The following DLGAP2 variants were observed in gnomAD, a reference collection of about 807,000 sequenced individuals.
The protein encoded by DLGAP2 is disks large-associated protein 2.
A neutral mutation model predicts 100.3 loss-of-function variants in DLGAP2; 26 were observed. The observed-to-expected ratio is 0.26, with a 90% CI of 0.19 to 0.36. The LOEUF is 0.36. DLGAP2 is among the 10% of genes least tolerant of loss of function. The pLI, the probability that DLGAP2 is intolerant of heterozygous loss-of-function variation, is 1.00. For missense variants in DLGAP2, 1,858 were observed against 1,453.2 expected (o/e 1.28, Z -4.53); for synonymous variants, 886 against 630.1 (o/e 1.41, Z -6.08).
At chr8:755,628 G>A (rs1209684726) in intron 1 of DLGAP2, among the ~76,000 whole-genome samples, 2 of 152,162 alleles carry the variant, frequency 1.3e-5, no homozygotes, top group Non-Finnish European at 2.9e-5. Context: ...GGGGGTGAAT[G>A]TATTCCAGGC....
At chr8:847,791 G>C (rs879363083) in intron 1 of DLGAP2, among the ~76,000 whole-genome samples, 3 of 152,186 alleles carry the variant, frequency 2.0e-5, no homozygotes, top group Non-Finnish European at 4.4e-5. Flanking sequence ...ACACAGGCTT[G>C]AGTCACTGCG....
chr8:1,389,527 G>A (rs1033173488), intron 3 of DLGAP2, among the ~76,000 whole-genome samples: 1 of 152,172 alleles, frequency 6.6e-6, no homozygotes, highest in Non-Finnish European at 1.5e-5. Context: ...TGTGGACGAG[G>A]CCGCTCGGTG....
chr8:1,489,211 A>G lies in DLGAP2; in HGVS notation c.107-12155A>G, dbSNP rs138084176. On this transcript the variant is annotated intron_variant, in intron 3 of 14. Transcript: ENST00000637795. ...GTTTGAGCTGCTCGAGAATGCGACT[A>G]GTGTGCTTCTGATGCGTGGAGTTGG... is the stretch of plus-strand genomic sequence containing the variant. 2.3e-3 allele frequency among the ~76,000 whole-genome samples: 345 copies of G among 152,328 alleles called. 2 individuals carry two copies. The highest frequency in any genetic ancestry group is 7.9e-3 in the African/African-American group (328 of 41,594).
chr8:1,533,853 A>C (rs772340616), intron 4 of DLGAP2, among the ~76,000 whole-genome samples: 44 of 152,146 alleles, frequency 2.9e-4, no homozygotes, highest in Non-Finnish European at 5.9e-5. Context: ...GCTCCTCAGG[A>C]GGCTGAGGTG....
At chr8:850,150 A>T (rs1392854540) in intron 1 of DLGAP2, among the ~76,000 whole-genome samples, 1 of 151,650 alleles carries the variant, frequency 6.6e-6, no homozygotes, top group Non-Finnish European at 1.5e-5. Context: ...CCCCTGTCAG[A>T]TGTGACATTT....
intron 1 of DLGAP2, among the ~76,000 whole-genome samples, chr8:906,410 C>T (rs138494460): frequency 6.6e-6 from 1 of 152,292 alleles, no homozygotes; most frequent in East Asian, 1.9e-4. Context: ...GTTCTGAGGC[C>T]TGGCCTTGAT....
chr8:1,345,576 G>T (rs1008764300), intron 3 of DLGAP2, among the ~76,000 whole-genome samples: 4 of 152,218 alleles, frequency 2.6e-5, no homozygotes, highest in Admixed American at 6.5e-5. Context: ...AACACATTGT[G>T]TGGATGTAAT....
chr8:1,455,514 G>A (rs769982651), intron 3 of DLGAP2, among the ~76,000 whole-genome samples: 14 of 152,220 alleles, frequency 9.2e-5, no homozygotes, highest in East Asian at 1.9e-4. Flanking sequence ...GCCTGAGCAG[G>A]GCTGAGAGGA....
intron 2 of DLGAP2, among the ~76,000 whole-genome samples, chr8:981,845 T>C (rs1437014530): frequency 2.0e-5 from 3 of 152,228 alleles, no homozygotes; most frequent in Non-Finnish European, 4.4e-5. Flanking sequence ...TTTGAAACTA[T>C]TTGCTCTTGT....
At position 1,705,958 on chromosome 8, in the gene DLGAP2, T is replaced by A. The variant is rs904029586; in HGVS notation, c.*4552T>A. 2.0e-5 allele frequency: 3 copies of A among 152,186 alleles called. No individual in the cohort carries two copies. The highest frequency in any genetic ancestry group is 4.4e-5 in the Non-Finnish European group (3 of 68,036). The allele number at this position is 152,186 out of a possible 1,614,324, so 9.4% of individuals were successfully genotyped here. A position where few individuals can be genotyped will look rare whatever the true frequency, so the allele number is the denominator to read the frequency against. On this transcript the variant is annotated 3_prime_UTR_variant, in exon 15 of 15. Coordinates refer to ENST00000637795, the MANE Select transcript of DLGAP2 (RefSeq NM_001346810.2). Reference sequence around the variant, plus strand: ...AACTCTGTGGGCTGGGTCAATGCAGTGTGCTTCATTCAGGGCCATGTGGCA... The same window carrying A: ...AACTCTGTGGGCTGGGTCAATGCAGAGTGCTTCATTCAGGGCCATGTGGCA...
intron 2 of DLGAP2, among the ~76,000 whole-genome samples, chr8:1,141,263 G>A (rs979579656): frequency 1.2e-4 from 18 of 152,146 alleles, no homozygotes; most frequent in Non-Finnish European, 2.2e-4. Context: ...TCAACTGAGC[G>A]TTGAAAGTTG....
chr8:1,576,650 G>A (rs183353519), intron 6 of DLGAP2, among the ~76,000 whole-genome samples: 1 of 152,278 alleles, frequency 6.6e-6, no homozygotes, highest in East Asian at 1.9e-4. Context: ...TTAGTATAAG[G>A]TGTAAGGAAG....
intron 2 of DLGAP2, among the ~76,000 whole-genome samples, chr8:923,801 G>A (rs1049298265): frequency 6.6e-6 from 1 of 152,158 alleles, no homozygotes; most frequent in Non-Finnish European, 1.5e-5. Context: ...TGTCTCAGAC[G>A]CTGGCTTTTA....
chr8:769,946 G>C (rs764424046), intron 1 of DLGAP2, among the ~76,000 whole-genome samples: 24 of 148,682 alleles, frequency 1.6e-4, no homozygotes, highest in Non-Finnish European at 2.7e-4. Flanking sequence ...GCCGACCCCA[G>C]AGTCACTTGT....
chr8:896,267 G>A (rs1398589854), intron 1 of DLGAP2, among the ~76,000 whole-genome samples: 1 of 151,768 alleles, frequency 6.6e-6, no homozygotes, highest in Non-Finnish European at 1.5e-5. Context: ...TCAATCTCCA[G>A]GGTTTGTTGG....
At chr8:1,377,017 C>T (rs1795961485) in intron 3 of DLGAP2, among the ~76,000 whole-genome samples, 1 of 152,236 alleles carries the variant, frequency 6.6e-6, no homozygotes, top group South Asian at 2.1e-4. Context: ...AGCAGAACCA[C>T]AGTGTCAGTT....
intron 2 of DLGAP2, among the ~76,000 whole-genome samples, chr8:1,129,649 C>A (rs1796244539): frequency 2.0e-5 from 3 of 152,108 alleles, no homozygotes; most frequent in Admixed American, 2.0e-4. Context: ...GTCTTGGTTT[C>A]ATTTTTGCTT....
At chr8:1,698,065 C>G (rs189551216) in intron 14 of DLGAP2, among the ~76,000 whole-genome samples, 1 of 152,290 alleles carries the variant, frequency 6.6e-6, no homozygotes, top group East Asian at 1.9e-4. Flanking sequence ...TGTTTGGTAT[C>G]CAGCAAGGAT....
At chr8:1,060,740 C>T (rs563915747) in intron 2 of DLGAP2, among the ~76,000 whole-genome samples, 1 of 152,336 alleles carries the variant, frequency 6.6e-6, no homozygotes, top group African/African-American at 2.4e-5. Flanking sequence ...CCCCACATTT[C>T]AGGGCATCCT....
Sources: allele counts gnomAD v4.1 joint callset (sites outside exome capture counted in the v4.1 genomes callset), GRCh38; gene constraint gnomAD v4.1.1; transcripts MANE v1.5; gene names NCBI Gene and HGNC (gene_info 2026-07-23, HGNC 2026-07-21).